The following RP1 variants were observed in gnomAD, a reference collection of about 807,000 sequenced individuals.
RP1 encodes RP1 axonemal microtubule associated, also known as oxygen-regulated protein 1.
RP1 carries 16 observed loss-of-function variants against 14.8 expected under a neutral mutation model. The ratio of observed to expected loss-of-function variants is 1.08; its 90% CI spans 0.73 to 1.65. The LOEUF (loss-of-function observed/expected upper bound fraction) is 1.65, where lower values mean the gene tolerates loss of function less well. Among genes scored for constraint, RP1 ranks in the 40% most tolerant of loss-of-function variants. The pLI is 0.00. For missense variants in RP1, 2,631 were observed against 2,535.0 expected (o/e 1.04, Z -0.81); for synonymous variants, 876 against 883.6 (o/e 0.99, Z 0.15).
chr8:54,572,063 T>C (rs1563315195), intron 1 of RP1, among the ~76,000 whole-genome samples: 1 of 152,188 alleles, frequency 6.6e-6, no homozygotes, highest in East Asian at 1.9e-4. Flanking sequence ...TATAACACAT[T>C]ATCCTCCCTG....
At chr8:54,746,974 A>G (rs916083650) in intron 19 of RP1, among the ~76,000 whole-genome samples, 2 of 152,178 alleles carry the variant, frequency 1.3e-5, no homozygotes, top group African/African-American at 4.8e-5. Context: ...CCAGAACCCT[A>G]TGAATTTTCC....
chr8:54,639,352 GTTA>G (rs943470307), intron 3 of RP1, among the ~76,000 whole-genome samples: 3 of 152,062 alleles, frequency 2.0e-5, no homozygotes, highest in African/African-American at 7.2e-5. Context: ...CTGGCTTTTG[GTTA>G]TTATGGATAT....
At chr8:54,580,452 G>T (rs987460443) in intron 1 of RP1, among the ~76,000 whole-genome samples, 2 of 124,838 alleles carry the variant, frequency 1.6e-5, no homozygotes, top group East Asian at 2.4e-4. Flanking sequence ...GACTACAGGC[G>T]TGCGCCACCA....
chr8:54,608,915 G>A (rs1029587181), intron 1 of RP1, among the ~76,000 whole-genome samples: 1 of 152,152 alleles, frequency 6.6e-6, no homozygotes, highest in East Asian at 1.9e-4. Flanking sequence ...TAGTCACATG[G>A]ACAGGATCTG....
chr8:54,691,707 T>C (rs1351858221), intron 12 of RP1, among the ~76,000 whole-genome samples: 1 of 152,034 alleles, frequency 6.6e-6, no homozygotes, highest in African/African-American at 2.4e-5. Context: ...AACTTCCCCT[T>C]TTCCTTGTGA....
intron 19 of RP1, among the ~76,000 whole-genome samples, chr8:54,750,464 A>G (rs1809333171): frequency 6.6e-6 from 1 of 152,218 alleles, no homozygotes; most frequent in Non-Finnish European, 1.5e-5. Context: ...ATGTTCTGAA[A>G]TCAAGCTCTT....
intron 12 of RP1, among the ~76,000 whole-genome samples, chr8:54,695,069 C>T (rs984757317): frequency 1.1e-4 from 16 of 152,230 alleles, no homozygotes; most frequent in African/African-American, 3.1e-4. Flanking sequence ...GCCTTCATTT[C>T]GTTATGCACC....
rs190674173 is a variant in RP1 at position 54,701,388 on chromosome 8, T to C, written c.1822-98T>C. On this transcript the variant is annotated intron_variant, in intron 13 of 22. Transcript: ENST00000636932. ...TTTTATAAATAGTACAAAGTTTCCATAAAATGAAGTAGACACCTGTATATG... is the reference window on the plus strand; with the variant it reads ...TTTTATAAATAGTACAAAGTTTCCACAAAATGAAGTAGACACCTGTATATG... 86 of 995,200 alleles carry C rather than the reference T, an allele frequency of 8.6e-5. 1 individual carries two copies. Among genetic ancestry groups the C allele is most frequent in the Non-Finnish European group, 1.1e-4 (83 of 754,022 alleles). 61.6% of individuals were successfully genotyped at this position (995,200 alleles called of 1,614,324 possible).
intron 1 of RP1, among the ~76,000 whole-genome samples, chr8:54,604,332 G>A (rs1805372626): frequency 6.6e-6 from 1 of 152,076 alleles, no homozygotes; most frequent in Non-Finnish European, 1.5e-5. Context: ...TTATATGCTG[G>A]ATTACGTTTA....
At chr8:54,720,349 G>C in intron 16 of RP1, 1 of 1,496,802 alleles carries the variant, frequency 6.7e-7, no homozygotes, top group Non-Finnish European at 8.9e-7. Flanking sequence ...TTTGCTTTAT[G>C]ATGGTTTGTG....
chr8:54,734,757 G>C (rs1381200440), intron 18 of RP1: 1 of 1,518,594 alleles, frequency 6.6e-7, no homozygotes, highest in South Asian at 1.2e-5. Context: ...AAACAACACT[G>C]GCAGTAATAT....
At chr8:54,801,391 A>C (rs1810702100) in intron 24 of RP1, among the ~76,000 whole-genome samples, 1 of 152,162 alleles carries the variant, frequency 6.6e-6, no homozygotes, top group African/African-American at 2.4e-5. Flanking sequence ...CTCCAGGCGT[A>C]GTGGGCCTAG....
chr8:54,810,910 G>A (rs1239385937), intron 24 of RP1, among the ~76,000 whole-genome samples: 1 of 152,174 alleles, frequency 6.6e-6, no homozygotes, highest in Non-Finnish European at 1.5e-5. Flanking sequence ...GTAGTAAGAG[G>A]TTCAAATCTG....
chr8:54,834,522 G>A (rs1218565063), intron 24 of RP1, among the ~76,000 whole-genome samples: 2 of 151,772 alleles, frequency 1.3e-5, no homozygotes, highest in Non-Finnish European at 2.9e-5. Flanking sequence ...AGCCCTTGTA[G>A]CCTTTAAAAA....
chr8:54,655,289 GA>G, intron 5 of RP1, among the ~76,000 whole-genome samples: 1 of 152,192 alleles, frequency 6.6e-6, no homozygotes, highest in South Asian at 2.1e-4. Flanking sequence ...TCAATTACTG[GA>G]ACTCCAAGAG....
chr8:54,766,011 G>T (rs906447701), intron 22 of RP1, among the ~76,000 whole-genome samples: 1 of 152,048 alleles, frequency 6.6e-6, no homozygotes, highest in Non-Finnish European at 1.5e-5. Flanking sequence ...AAGGAAGGAA[G>T]GGAAGGAAGG....
At chr8:54,698,806 C>T (rs1203543841) in intron 12 of RP1, among the ~76,000 whole-genome samples, 1 of 152,024 alleles carries the variant, frequency 6.6e-6, no homozygotes, top group Non-Finnish European at 1.5e-5. Flanking sequence ...CCAAACACCT[C>T]ATGTTTTCAC....
At chr8:54,654,940 C>A (rs1041650364) in intron 5 of RP1, among the ~76,000 whole-genome samples, 10 of 152,272 alleles carry the variant, frequency 6.6e-5, no homozygotes, top group African/African-American at 2.4e-4. Context: ...AGCCACTGTG[C>A]CTGGGTGAAA....
At position 54,627,419 on chromosome 8, in the gene RP1, G is replaced by A; in HGVS notation, c.3537G>A (p.Leu1179=). ...CTATCACAGAGGAAGCTGATGACTTGAAAGCTGCTGTTGCCAATTTAGTGG... is the reference window on the plus strand; with the variant it reads ...CTATCACAGAGGAAGCTGATGACTTAAAAGCTGCTGTTGCCAATTTAGTGG... The part of the protein sequence containing the change: ...HIAITEEADD[L]KAAVANLVES... Residue 1179 remains leucine, a synonymous_variant, in exon 4 of 4, where the codon TTG becomes TTA. Coordinates refer to ENST00000220676, the MANE Select transcript of RP1 (RefSeq NM_006269.2). The A allele has an allele frequency of 6.2e-7, 1 of 1,614,154 alleles. No homozygotes were observed. The highest frequency in any genetic ancestry group is 8.5e-7 in the Non-Finnish European group (1 of 1,179,988).
Sources: gnomAD v4.1 joint callset for allele counts (sites outside exome capture counted in the v4.1 genomes callset) on GRCh38, gnomAD v4.1.1 for gene constraint, MANE v1.5 for transcripts, NCBI Gene and HGNC (gene_info 2026-07-23, HGNC 2026-07-21) for gene names.